Variants in PDE1A observed in about 807,000 individuals in gnomAD.
PDE1A encodes phosphodiesterase 1A.
Under a neutral mutation model 61.7 loss-of-function variants are expected in PDE1A, and 35 were observed. The ratio of observed to expected loss-of-function variants is 0.57; its 90% confidence interval spans 0.43 to 0.75. The LOEUF is 0.75. PDE1A is among the 30% of genes least tolerant of loss of function. PDE1A has a pLI of 0.00. For synonymous variants in PDE1A, 232 were observed against 213.2 expected (o/e 1.09, Z -0.77); for missense variants, 597 against 630.6 (o/e 0.95, Z 0.57).
chr2:182,145,847 CAACT>C (rs1289124393), downstream of PDE1A, among the ~76,000 whole-genome samples: 6 of 152,184 alleles, frequency 3.9e-5, no homozygotes, highest in South Asian at 2.1e-4. Context: ...GACAGTCTAA[CAACT>C]AACTGTCTTT....
Position 182,299,399 on chromosome 2 carries a change from G to A in PDE1A, c.54-34985C>T, listed in dbSNP as rs552948469. On this transcript the variant is annotated intron_variant, in intron 1 of 13. Coordinates refer to ENST00000351439, the Ensembl canonical transcript of PDE1A. ...AAGAGCCATTATGGTAGGAAAGACCGAGTACAAGTCCTTAATACCGCTTCC... is the reference window on the plus strand; with the variant it reads ...AAGAGCCATTATGGTAGGAAAGACCAAGTACAAGTCCTTAATACCGCTTCC... Among the ~76,000 whole-genome samples, 257 of 149,394 alleles carry A rather than the reference G, an allele frequency of 1.7e-3. 1 individual carries two copies. Among genetic ancestry groups the A allele is most frequent in the African/African-American group, 6.2e-3 (249 of 40,358 alleles).
chr2:182,254,556 A>G (rs1001943398), intron 2 of PDE1A, among the ~76,000 whole-genome samples: 14 of 152,210 alleles, frequency 9.2e-5, no homozygotes, highest in African/African-American at 3.4e-4. Context: ...AGAGTAATTG[A>G]GTCATGAGCA....
chr2:182,642,172 C>T, the PDE1A span, among the ~76,000 whole-genome samples: 2 of 152,156 alleles, frequency 1.3e-5, no homozygotes, highest in Non-Finnish European at 2.9e-5. Context: ...TTTTGCTTCA[C>T]TAAATTATAA....
At chr2:182,608,489 G>A in the PDE1A span, among the ~76,000 whole-genome samples, 1 of 152,196 alleles carries the variant, frequency 6.6e-6, no homozygotes, top group African/African-American at 2.4e-5. Flanking sequence ...CCTGGGCTGC[G>A]CCAGGCGCTT....
chr2:182,480,173 A>G (rs1378199887), intron 2 of PDE1A, among the ~76,000 whole-genome samples: 2 of 151,850 alleles, frequency 1.3e-5, no homozygotes, highest in African/African-American at 2.4e-5. Context: ...AAAAACAACA[A>G]TTTTCTACCA....
rs79858554 is a variant in PDE1A, at chr2:182,398,576, C to T, written c.53+28002G>A. ...AATATATGACCTTATTTTCAGCATC[C>T]TCAATTGAATTATAAACAGAGATGA... On this transcript the variant is annotated intron_variant, in intron 1 of 13. Transcript: ENST00000351439. Among the ~76,000 whole-genome samples, 54 of 151,894 alleles carry T rather than the reference C, an allele frequency of 3.6e-4. 1 individual carries two copies. In the East Asian group the frequency reaches 7.0e-3, roughly 20 times the overall value.
intron 1 of PDE1A, among the ~76,000 whole-genome samples, chr2:182,370,194 A>G (rs1700054654): frequency 6.6e-6 from 1 of 152,142 alleles, no homozygotes; most frequent in South Asian, 2.1e-4. Context: ...AAAAAAAAGA[A>G]AAAGAAAAGA....
intron 1 of PDE1A, among the ~76,000 whole-genome samples, chr2:182,326,617 G>A (rs1307665336): frequency 6.6e-6 from 1 of 152,178 alleles, no homozygotes; most frequent in African/African-American, 2.4e-5. Flanking sequence ...TGAGGAAATA[G>A]TTCTGGAGAT....
intron 1 of PDE1A, among the ~76,000 whole-genome samples, chr2:182,332,468 G>T (rs1282613139): frequency 6.6e-6 from 1 of 152,148 alleles, no homozygotes; most frequent in Non-Finnish European, 1.5e-5. Flanking sequence ...TTTTGCACTG[G>T]TTTTTCCTCA....
the PDE1A span, among the ~76,000 whole-genome samples, chr2:182,603,622 A>G: frequency 6.6e-6 from 1 of 152,190 alleles, no homozygotes; most frequent in East Asian, 1.9e-4. Context: ...AGTGAGTTGA[A>G]GTTTATTAGT....
the PDE1A span, among the ~76,000 whole-genome samples, chr2:182,659,461 T>C: frequency 6.6e-6 from 1 of 152,198 alleles, no homozygotes; most frequent in Admixed American, 6.5e-5. Context: ...GAGTTGTACA[T>C]AAATCTTGAG....
intron 1 of PDE1A, among the ~76,000 whole-genome samples, chr2:182,412,471 A>C (rs1334592068): frequency 6.6e-6 from 1 of 152,216 alleles, no homozygotes; most frequent in African/African-American, 2.4e-5. Context: ...TAATATGGGG[A>C]TACTAATGCC....
chr2:182,423,186 T>C (rs1322221348), intron 1 of PDE1A, among the ~76,000 whole-genome samples: 2 of 152,194 alleles, frequency 1.3e-5, no homozygotes, highest in East Asian at 1.9e-4. Flanking sequence ...CCTTCCCTCA[T>C]TGACATGATA....
the PDE1A span, among the ~76,000 whole-genome samples, chr2:182,601,894 T>C: frequency 0.2 from 31,165 of 152,086 alleles, 3,423 homozygotes; most frequent in Middle Eastern, 0.33. Context: ...TCACACCAAT[T>C]GGTCCATGGG....
chr2:182,508,758 T>C (rs1176074159), intron 2 of PDE1A, among the ~76,000 whole-genome samples: 2 of 150,136 alleles, frequency 1.3e-5, no homozygotes, highest in Non-Finnish European at 3.0e-5. Flanking sequence ...TTTATTTTTA[T>C]TTTTTAAAGC....
At chr2:182,164,136 G>A (rs1691527303), downstream of PDE1A, among the ~76,000 whole-genome samples, 1 of 152,170 alleles carries the variant, frequency 6.6e-6, no homozygotes, top group East Asian at 1.9e-4. Context: ...AAGTTGGGGA[G>A]ACACAGCAGT....
intron 2 of PDE1A, among the ~76,000 whole-genome samples, chr2:182,483,963 AAG>A (rs1687856498): frequency 6.6e-6 from 1 of 150,670 alleles, no homozygotes; most frequent in Non-Finnish European, 1.5e-5. Context: ...AAAGAACTAT[AAG>A]AGAATATTTT....
intron 7 of PDE1A, among the ~76,000 whole-genome samples, chr2:182,209,024 C>T (rs781605845): frequency 2.2e-4 from 34 of 152,038 alleles, no homozygotes; most frequent in Non-Finnish European, 4.1e-4. Context: ...GTTGGGAAGG[C>T]ATGATTGGTT....
intron 2 of PDE1A, among the ~76,000 whole-genome samples, chr2:182,440,948 T>G (rs1300951271): frequency 6.6e-6 from 1 of 152,052 alleles, no homozygotes; most frequent in African/African-American, 2.4e-5. Flanking sequence ...TGGATACTAA[T>G]GCATGTGTAC....
Sources: allele counts gnomAD v4.1 joint callset (sites outside exome capture counted in the v4.1 genomes callset), GRCh38; gene constraint gnomAD v4.1.1; transcripts MANE v1.5; gene names NCBI Gene and HGNC (gene_info 2026-07-23, HGNC 2026-07-21).